Variants in CCDC7 observed in about 807,000 individuals in gnomAD.
The protein encoded by CCDC7 is coiled-coil domain containing 7, also known as coiled-coil domain-containing protein 7.
In CCDC7, 183 loss-of-function variants were observed where a neutral mutation model predicts 196.9. That is an observed-to-expected ratio of 0.93 (90% CI 0.82 to 1.05). CCDC7 has a LOEUF of 1.05. CCDC7 is among the 50% of genes least tolerant of loss of function. The pLI, the probability that CCDC7 is intolerant of heterozygous loss-of-function variation, is 0.00. For synonymous variants in CCDC7, 525 were observed against 484.6 expected (o/e 1.08, Z -1.10); for missense variants, 1,540 against 1,482.2 (o/e 1.04, Z -0.64).
intron 11 of CCDC7, among the ~76,000 whole-genome samples, chr10:32,535,878 G>T (rs1387602236): frequency 6.6e-6 from 1 of 152,120 alleles, no homozygotes; most frequent in Non-Finnish European, 1.5e-5. Context: ...CATATTTTGG[G>T]GTTAAATATT....
intron 11 of CCDC7, among the ~76,000 whole-genome samples, chr10:32,540,731 G>A (rs1042630060): frequency 2.0e-5 from 3 of 152,154 alleles, no homozygotes; most frequent in African/African-American, 7.2e-5. Context: ...CTGCTGAAAG[G>A]CCCACTTTTA....
chr10:32,566,085 C>G (rs1297061145), intron 14 of CCDC7, among the ~76,000 whole-genome samples: 1 of 151,924 alleles, frequency 6.6e-6, no homozygotes, highest in African/African-American at 2.4e-5. Context: ...AATGAATAGA[C>G]AAAAGTGTAT....
intron 39 of CCDC7, among the ~76,000 whole-genome samples, chr10:32,849,717 A>G (rs948459024): frequency 5.3e-5 from 8 of 151,224 alleles, no homozygotes; most frequent in East Asian, 1.9e-4. Context: ...AAAAAAAAAA[A>G]AAAGAAAAGA....
chr10:32,842,772 A>G (rs1183786895), intron 33 of CCDC7, among the ~76,000 whole-genome samples: 1 of 152,142 alleles, frequency 6.6e-6, no homozygotes, highest in Non-Finnish European at 1.5e-5. Context: ...ATAAAAAGGA[A>G]CAAAATAATG....
At chr10:32,499,671 T>A (rs1399166365) in intron 9 of CCDC7, among the ~76,000 whole-genome samples, 2 of 151,908 alleles carry the variant, frequency 1.3e-5, no homozygotes, top group Middle Eastern at 6.3e-3. Flanking sequence ...GGCAGGGTCA[T>A]AGGACAATAG....
At chr10:32,832,069 A>G (rs1332096847) in intron 32 of CCDC7, among the ~76,000 whole-genome samples, 1 of 152,212 alleles carries the variant, frequency 6.6e-6, no homozygotes, top group African/African-American at 2.4e-5. Context: ...ACTACATGAT[A>G]GAAATTTCCA....
chr10:32,475,554 G>A (rs552022880), intron 8 of CCDC7, among the ~76,000 whole-genome samples: 1 of 152,294 alleles, frequency 6.6e-6, no homozygotes, highest in East Asian at 1.9e-4. Flanking sequence ...TGGTTCTAAA[G>A]GGGAACAGAG....
At chr10:32,799,629 A>G (rs936024515) in intron 29 of CCDC7, among the ~76,000 whole-genome samples, 2 of 152,238 alleles carry the variant, frequency 1.3e-5, no homozygotes, top group Non-Finnish European at 2.9e-5. Context: ...ATTCTAAGGA[A>G]TATCTTGACA....
At chr10:32,780,469 A>G (rs1022819672) in intron 29 of CCDC7, among the ~76,000 whole-genome samples, 2 of 152,336 alleles carry the variant, frequency 1.3e-5, no homozygotes, top group African/African-American at 2.4e-5. Context: ...ATATAAAGAC[A>G]TGATTTGTGA....
intron 21 of CCDC7, among the ~76,000 whole-genome samples, chr10:32,680,685 T>C (rs1425266137): frequency 6.6e-6 from 1 of 151,590 alleles, no homozygotes; most frequent in Non-Finnish European, 1.5e-5. Flanking sequence ...CAGACAGCAT[T>C]ATCTATTTGC....
Position 32,628,833 on chromosome 10 carries a change from G to T in CCDC7, c.1802-5421G>T, listed in dbSNP as rs891418353. 2.6e-5 allele frequency among the ~76,000 whole-genome samples: 4 copies of T among 151,972 alleles called. No homozygotes were observed. In the East Asian group the frequency reaches 5.8e-4, roughly 22 times the overall value. Reference sequence around the variant, plus strand: ...TCTAAAATTTATTCTGCTATTGATTGCTAGTTTCATATCATTGTGGTGAGT... The same window carrying T: ...TCTAAAATTTATTCTGCTATTGATTTCTAGTTTCATATCATTGTGGTGAGT... On this transcript the variant is annotated intron_variant, in intron 18 of 41. Coordinates refer to ENST00000639629, the Ensembl canonical transcript of CCDC7.
intron 19 of CCDC7, among the ~76,000 whole-genome samples, 142 bp from the exon 21 acceptor site, chr10:32,634,902 GAATTTTCTGCTTC>G (rs1935257185): frequency 6.6e-6 from 1 of 152,174 alleles, no homozygotes; most frequent in South Asian, 2.1e-4. Flanking sequence ...CCACACATGA[GAATTTTCTGCTTC>G]GCATCCACGG....
intron 30 of CCDC7, among the ~76,000 whole-genome samples, chr10:32,806,451 T>C (rs1036447376): frequency 2.0e-5 from 3 of 152,086 alleles, no homozygotes; most frequent in African/African-American, 4.8e-5. Context: ...TTAGTATAAA[T>C]ATATTGAAAG....
At chr10:32,739,100 A>G (rs570928214) in intron 28 of CCDC7, among the ~76,000 whole-genome samples, 5 of 152,034 alleles carry the variant, frequency 3.3e-5, no homozygotes, top group Non-Finnish European at 5.9e-5. Flanking sequence ...TGAGTATAGC[A>G]TATGATTAGG....
chr10:32,501,011 C>T (rs555847198), intron 9 of CCDC7, among the ~76,000 whole-genome samples: 11 of 152,198 alleles, frequency 7.2e-5, no homozygotes, highest in South Asian at 4.1e-4. Flanking sequence ...GTCCAGCCTC[C>T]GCTCGGCATC....
At chr10:32,727,631 G>A (rs1386099602) in intron 26 of CCDC7, among the ~76,000 whole-genome samples, 1 of 152,038 alleles carries the variant, frequency 6.6e-6, no homozygotes, top group Non-Finnish European at 1.5e-5. Context: ...GCGCTTGATT[G>A]CCATTTTATT....
chr10:32,728,922 G>A, exon 27 of CCDC7: 5 of 1,608,056 alleles, frequency 3.1e-6, no homozygotes, highest in Non-Finnish European at 3.4e-6. Context: ...TGTGATTTCT[G>A]TTCATCAAGA....
At chr10:32,764,348 A>G (rs2077931632) in intron 28 of CCDC7, among the ~76,000 whole-genome samples, 1 of 151,906 alleles carries the variant, frequency 6.6e-6, no homozygotes, top group Admixed American at 6.6e-5. Context: ...TTATTTAGAC[A>G]GAAATCAGGG....
In CCDC7 at chr10:32,557,920, T is replaced by A. The variant is rs577134592; in HGVS notation, c.1135-7638T>A. On this transcript the variant is annotated intron_variant, in intron 13 of 41. Coordinates refer to ENST00000639629, the Ensembl canonical transcript of CCDC7. ...GTTGCCCAGGCTGGTCTTGAATTCC[T>A]GGCCTCAAGCAATCCTCCCACCTTG... Among the ~76,000 whole-genome samples the A allele has an allele frequency of 6.6e-5, 10 of 152,316 alleles. No individual in the cohort carries two copies. In the East Asian group the frequency reaches 1.4e-3, roughly 21 times the overall value.
Sources: gnomAD v4.1 joint callset for allele counts (sites outside exome capture counted in the v4.1 genomes callset) on GRCh38, gnomAD v4.1.1 for gene constraint, MANE v1.5 for transcripts, NCBI Gene and HGNC (gene_info 2026-07-23, HGNC 2026-07-21) for gene names.